Variants in TALDO1 observed in about 807,000 individuals in gnomAD.
TALDO1 encodes the protein transaldolase 1, also known as transaldolase.
TALDO1 carries 29 observed loss-of-function variants against 38.1 expected under a neutral mutation model. The observed-to-expected ratio is 0.76, with a 90% CI of 0.57 to 1.04. The LOEUF is 1.04. Among genes scored for constraint, TALDO1 ranks in the 50% least tolerant of loss-of-function variants. The probability of loss-of-function intolerance (pLI) is 0.00; values close to 1 mark genes in which losing one functional copy is unlikely to be tolerated. For missense variants in TALDO1, 499 were observed against 438.1 expected (o/e 1.14, Z -1.24); for synonymous variants, 207 against 176.8 (o/e 1.17, Z -1.36).
chr11:761,897 C>G (rs953065509), intron 4 of TALDO1, among the ~76,000 whole-genome samples: 1 of 152,186 alleles, frequency 6.6e-6, no homozygotes, highest in African/African-American at 2.4e-5. Context: ...AGATCTCTAC[C>G]CATCTTGGCC....
chr11:750,588 G>C (rs573847804), intron 1 of TALDO1, among the ~76,000 whole-genome samples: 1 of 152,246 alleles, frequency 6.6e-6, no homozygotes, highest in South Asian at 2.1e-4. Flanking sequence ...ACTTTGGGAG[G>C]CCGAGGCAGG....
At chr11:764,136 G>A in intron 6 of TALDO1, 152 bp from the exon 7 acceptor site, 2 of 1,462,800 alleles carry the variant, frequency 1.4e-6, no homozygotes, top group South Asian at 1.2e-5. Context: ...AGGCTCTGTG[G>A]GCTGAACCCC....
intron 1 of TALDO1, chr11:752,264 T>A (rs1398448544): frequency 6.9e-6 from 1 of 144,400 alleles, no homozygotes; most frequent in Non-Finnish European, 1.5e-5. Context: ...TTTTTTTTAG[T>A]AGAGATGGGG....
chr11:757,073 G>GGT (rs1862850076), intron 2 of TALDO1, among the ~76,000 whole-genome samples: 1 of 152,218 alleles, frequency 6.6e-6, no homozygotes, highest in African/African-American at 2.4e-5. Flanking sequence ...CCAGGTGGCT[G>GGT]GTGAGTGGCT....
At chr11:757,484 G>A (rs1029487243) in intron 2 of TALDO1, among the ~76,000 whole-genome samples, 14 of 152,038 alleles carry the variant, frequency 9.2e-5, no homozygotes, top group Admixed American at 8.5e-4. Flanking sequence ...TTTAGAGGCA[G>A]GGTTTCACCA....
chr11:759,293 G>A (rs1477948346), intron 3 of TALDO1, among the ~76,000 whole-genome samples: 7 of 152,066 alleles, frequency 4.6e-5, no homozygotes, highest in African/African-American at 1.7e-4. Context: ...ATGGAGTCTC[G>A]CACTGTCACC....
intron 1 of TALDO1, among the ~76,000 whole-genome samples, chr11:752,940 C>A (rs902018948): frequency 6.6e-6 from 1 of 152,128 alleles, no homozygotes; most frequent in Non-Finnish European, 1.5e-5. Context: ...AGGCTGTCTC[C>A]AGGTAGACAG....
chr11:758,915 G>A, intron 2 of TALDO1, 35 bp from the exon 3 acceptor site: 2 of 1,579,544 alleles, frequency 1.3e-6, no homozygotes, highest in Non-Finnish European at 1.7e-6. Flanking sequence ...AACCTCAGAA[G>A]CTTCTAACCT....
chr11:749,514 G>A (rs1862717088), intron 1 of TALDO1, among the ~76,000 whole-genome samples: 2 of 151,196 alleles, frequency 1.3e-5, no homozygotes, highest in Non-Finnish European at 2.9e-5. Flanking sequence ...TTATATAGTT[G>A]TAAAATAGTC....
Position 761,634 on chromosome 11 carries a change from G to A in TALDO1, c.461+1381G>A, listed in dbSNP as rs1433792386. ...ACTCAAATAATTCGCATCAGGAAGA[G>A]GTGTTTTGTTTCCACATCTGTGTGT... On this transcript the variant is annotated intron_variant, in intron 4 of 7. Coordinates refer to ENST00000319006, the MANE Select transcript of TALDO1 (RefSeq NM_006755.2). Among the ~76,000 whole-genome samples, 4 of 152,206 alleles carry A rather than the reference G, an allele frequency of 2.6e-5. No individual in the cohort carries two copies. In the East Asian group the frequency reaches 7.7e-4, roughly 29 times the overall value.
chr11:763,705 C>A (rs1178641167), intron 5 of TALDO1, 42 bp from the exon 6 acceptor site: 1 of 1,607,490 alleles, frequency 6.2e-7, no homozygotes, highest in Non-Finnish European at 8.5e-7. Context: ...GGGGTGGTAC[C>A]TCTGCCGAAG....
Position 763,369 on chromosome 11 carries a change from C to G in TALDO1, c.487C>G (p.His163Asp). ...GKELEEQHGI[H>D]CNMTLLFSFA... ...GGAGCTCGAGGAGCAGCACGGCATCCACTGCAACATGACGTTACTCTTCTC... is the reference window on the plus strand; with the variant it reads ...GGAGCTCGAGGAGCAGCACGGCATCGACTGCAACATGACGTTACTCTTCTC... Residue 163 changes from histidine to aspartate, a missense_variant, in exon 5 of 8, where the codon CAC becomes GAC. By Grantham distance (81) the His-to-Asp change is moderately conservative. Transcript: ENST00000319006. 1 of 1,610,948 alleles carries G rather than the reference C, an allele frequency of 6.2e-7. No individual in the cohort carries two copies. The highest frequency in any genetic ancestry group is 8.5e-7 in the Non-Finnish European group (1 of 1,178,750).
At chr11:750,503 T>C (rs1431076766) in intron 1 of TALDO1, among the ~76,000 whole-genome samples, 1 of 149,312 alleles carries the variant, frequency 6.7e-6, no homozygotes, top group Non-Finnish European at 1.5e-5. Context: ...AAAAAAAAGA[T>C]ATTTATTTGC....
chr11:754,468 ATTTG>A (rs1414263374), intron 1 of TALDO1, among the ~76,000 whole-genome samples: 5 of 151,960 alleles, frequency 3.3e-5, no homozygotes, highest in African/African-American at 1.2e-4. Flanking sequence ...ATATTTATTT[ATTTG>A]TTTGCTTATT....
At chr11:762,829 G>A (rs1014961154) in intron 4 of TALDO1, among the ~76,000 whole-genome samples, 16 of 152,224 alleles carry the variant, frequency 1.1e-4, no homozygotes, top group Non-Finnish European at 2.4e-4. Flanking sequence ...AGGGTGCTAC[G>A]GGCCTGCTGC....
intron 1 of TALDO1, among the ~76,000 whole-genome samples, chr11:753,361 C>G (rs1862780470): frequency 1.3e-5 from 2 of 152,008 alleles, no homozygotes; most frequent in South Asian, 2.1e-4. Context: ...GAAACCCCAT[C>G]TCTACTAAAA....
At chr11:763,019 G>C (rs1003706055) in intron 4 of TALDO1, among the ~76,000 whole-genome samples, 1 of 152,180 alleles carries the variant, frequency 6.6e-6, no homozygotes, top group African/African-American at 2.4e-5. Context: ...GTGTCATGTG[G>C]GTTGGAGAAA....
intron 3 of TALDO1, among the ~76,000 whole-genome samples, chr11:759,527 T>G (rs573178041): frequency 6.6e-6 from 1 of 152,206 alleles, no homozygotes; most frequent in South Asian, 2.1e-4. Context: ...CCCAAAGTGC[T>G]GGGATCACAG....
In TALDO1 at chr11:758,953, A is replaced by G. The variant is rs1379501440; in HGVS notation, c.225A>G (p.Ser75=). The change falls in exon 3 of 8, where the codon TCA becomes TCG. Residue 75 remains serine, a synonymous_variant. Coordinates refer to ENST00000319006, the MANE Select transcript of TALDO1 (RefSeq NM_006755.2). ...AIAYGRKLGG[S]QEDQIKNAID... ...TTTTTTTCCCTTTGAATTTCAGGTC[A>G]CAAGAGGACCAGATTAAAAATGCTA... 2 of 1,610,332 alleles carry G rather than the reference A, an allele frequency of 1.2e-6. No homozygotes were observed. Among genetic ancestry groups the G allele is most frequent in the Non-Finnish European group, 1.7e-6 (2 of 1,177,474 alleles).
Sources: gnomAD v4.1 joint callset for allele counts (sites outside exome capture counted in the v4.1 genomes callset) on GRCh38, gnomAD v4.1.1 for gene constraint, MANE v1.5 for transcripts, NCBI Gene and HGNC (gene_info 2026-07-23, HGNC 2026-07-21) for gene names.